ARRDC1: variants seen among roughly 807,000 people sequenced by gnomAD.
ARRDC1 encodes the protein arrestin domain-containing protein 1.
A neutral mutation model predicts 40.1 loss-of-function variants in ARRDC1; 37 were observed. That is an observed-to-expected ratio of 0.92 (90% CI 0.71 to 1.21). The LOEUF (loss-of-function observed/expected upper bound fraction) is 1.21, where lower values mean the gene tolerates loss of function less well. ARRDC1 is among the 50% of genes most tolerant of loss of function. The pLI, the probability that ARRDC1 is intolerant of heterozygous loss-of-function variation, is 0.00. For missense variants in ARRDC1, 641 were observed against 581.9 expected (o/e 1.10, Z -1.04); for synonymous variants, 310 against 262.5 (o/e 1.18, Z -1.75).
chr9:137,614,908 T>G lies in ARRDC1; in HGVS notation c.1145T>G (p.Val382Gly). The change falls in exon 7 of 8, where the codon GTC (valine) becomes GGC (glycine). Residue 382 changes from valine to glycine, a missense_variant. Transcript: ENST00000371421. ...PPLCISTGAT[V>G]PYFAEGSGGP... ...TTGTGCATTTCAACAGGTGCCACTGTCCCCTACTTTGCAGAGGGCTCCGGG... is the reference window on the plus strand; with the variant it reads ...TTGTGCATTTCAACAGGTGCCACTGGCCCCTACTTTGCAGAGGGCTCCGGG... 6.2e-7 allele frequency: 1 copy of G among 1,613,884 alleles called. No individual in the cohort carries two copies.
At chr9:137,613,877 A>C in intron 4 of ARRDC1, 108 bp downstream of exon 4, 1 of 1,532,124 alleles carries the variant, frequency 6.5e-7, no homozygotes, top group Non-Finnish European at 8.9e-7. Flanking sequence ...AGCTGAGGTG[A>C]GGGGGGCCAG....
In ARRDC1 at chr9:137,614,400, G is replaced by A; in HGVS notation, c.720G>A (p.Glu240=). 1 of 1,613,152 alleles carries A rather than the reference G, an allele frequency of 6.2e-7. No individual in the cohort carries two copies. The highest frequency in any genetic ancestry group is 8.5e-7 in the Non-Finnish European group (1 of 1,179,902). Residue 240 remains glutamate, a synonymous_variant, in exon 6 of 8, where the codon GAG becomes GAA. Transcript: ENST00000371421. ...CCTGGCGGCGGGCGCAGTGGCACGA[G>A]CAGATCCTGGTGCCTGCCTTGCCCC... ...VKAWRRAQWH[E]QILVPALPQS...
chr9:137,607,092 C>T lies in ARRDC1; in HGVS notation c.118+1257C>T, dbSNP rs570093343. 3.9e-5 allele frequency among the ~76,000 whole-genome samples: 6 copies of T among 152,370 alleles called. No homozygotes were observed. The East Asian group carries it at 1.2e-3, about 29-fold the overall frequency. On this transcript the variant is annotated intron_variant, in intron 1 of 7. Coordinates refer to ENST00000371421, the MANE Select transcript of ARRDC1 (RefSeq NM_152285.4). ...GCCGAGGGAGCACTGGCTGATGGTC[C>T]TACCTCACAGAGGCTGGTCTGAATG... is the stretch of plus-strand genomic sequence containing the variant.
chr9:137,612,832 C>T (rs927286925), intron 1 of ARRDC1, 64 bp from the exon 2 acceptor site: 15 of 1,334,514 alleles, frequency 1.1e-5, no homozygotes, highest in Non-Finnish European at 1.5e-5. Context: ...AATTCCTGTG[C>T]TGGCAGCAAG....
intron 1 of ARRDC1, among the ~76,000 whole-genome samples, chr9:137,611,209 A>G (rs13287726): frequency 6.6e-6 from 1 of 151,922 alleles, no homozygotes; most frequent in African/African-American, 2.4e-5. Flanking sequence ...TGAACACAGT[A>G]TGGGGTCTGG....
At chr9:137,608,368 C>T (rs540748500) in intron 1 of ARRDC1, among the ~76,000 whole-genome samples, 1 of 152,172 alleles carries the variant, frequency 6.6e-6, no homozygotes, top group Non-Finnish European at 1.5e-5. Context: ...GTCCAGAAGG[C>T]GGAAGAAGTC....
chr9:137,613,934 CA>C, intron 4 of ARRDC1, 97 bp from the exon 5 acceptor site: 1 of 1,552,032 alleles, frequency 6.4e-7, no homozygotes, highest in Non-Finnish European at 8.8e-7. Context: ...TGCTGATGTC[CA>C]GGGGCAGGGC....
intron 2 of ARRDC1, 76 bp downstream of exon 2, chr9:137,613,082 C>A: frequency 8.9e-7 from 1 of 1,121,544 alleles, no homozygotes; most frequent in South Asian, 1.3e-5. Context: ...GTCCTGTCCT[C>A]CCCCTTTCCT....
chr9:137,606,137 C>T (rs965023115), intron 1 of ARRDC1, among the ~76,000 whole-genome samples: 2 of 151,818 alleles, frequency 1.3e-5, no homozygotes, highest in Non-Finnish European at 2.9e-5. Flanking sequence ...CCCGTCCGCG[C>T]TCGCACCTGC....
chr9:137,610,853 G>A (rs1254264316), intron 1 of ARRDC1, among the ~76,000 whole-genome samples: 5 of 152,064 alleles, frequency 3.3e-5, no homozygotes, highest in Non-Finnish European at 5.9e-5. Context: ...ATGAGCCACC[G>A]TGCCCGGCCT....
intron 1 of ARRDC1, among the ~76,000 whole-genome samples, chr9:137,609,956 G>A (rs1356625719): frequency 6.6e-6 from 1 of 152,178 alleles, no homozygotes; most frequent in Non-Finnish European, 1.5e-5. Context: ...TGGGACTACA[G>A]GCGCCCGCCA....
intron 1 of ARRDC1, among the ~76,000 whole-genome samples, chr9:137,610,684 C>T (rs1449581851): frequency 6.6e-6 from 1 of 152,220 alleles, no homozygotes; most frequent in African/African-American, 2.4e-5. Flanking sequence ...CTGCCTCAGC[C>T]TCCCTGGTAG....
At chr9:137,609,541 A>G (rs1272705011) in intron 1 of ARRDC1, among the ~76,000 whole-genome samples, 1 of 147,412 alleles carries the variant, frequency 6.8e-6, no homozygotes, top group African/African-American at 2.5e-5. Flanking sequence ...GCCCCAAGAC[A>G]TTGATTTTAT....
At position 137,614,984 on chromosome 9, in the gene ARRDC1, T is replaced by C; in HGVS notation, c.1221T>C (p.Ser407=). The part of the protein sequence containing the change: ...STLILPPEYS[S]WGYPYEAPPS... ...TGATTCTTCCTCCAGAGTACAGTTC[T>C]TGGGGCTACCCCTATGGTGAGTCGA... The change falls in exon 7 of 8, where the codon TCT becomes TCC. Residue 407 remains serine (S), a synonymous_variant. Coordinates refer to ENST00000371421, the MANE Select transcript of ARRDC1 (RefSeq NM_152285.4). 1 of 1,613,606 alleles carries C rather than the reference T, an allele frequency of 6.2e-7. No homozygotes were observed. The highest frequency in any genetic ancestry group is 8.5e-7 in the Non-Finnish European group (1 of 1,179,866).
chr9:137,605,930 C>G (rs926388598), intron 1 of ARRDC1, 95 bp downstream of exon 1: 6 of 747,226 alleles, frequency 8.0e-6, no homozygotes, highest in Non-Finnish European at 9.0e-6. Flanking sequence ...GGGTTGGGCC[C>G]GCGGAGTCGC....
rs529418791 is a variant in ARRDC1 at position 137,613,002 on chromosome 9, C to A, written c.225C>A (p.Asp75Glu). 88 of 1,613,008 alleles carry A rather than the reference C, an allele frequency of 5.5e-5. No individual in the cohort carries two copies. The South Asian group carries it at 8.5e-4, about 16-fold the overall frequency. The change falls in exon 2 of 8, where the codon GAC (aspartate) becomes GAA (glutamate). Residue 75 changes from aspartate (D) to glutamate (E), a missense_variant. Transcript: ENST00000371421. ...TCAACAGTTCCCTGTCGCTGGCAGA[C>A]AAGGGTAAGTTTGGGAGCCAGTTCC... ...GYFNSSLSLADKGSLPAGEHS... is the reference protein window; with the variant it reads ...GYFNSSLSLAEKGSLPAGEHS...
rs542684176 is a variant in ARRDC1 at position 137,609,513 on chromosome 9, C to T, written c.119-3383C>T. Among the ~76,000 whole-genome samples the T allele has an allele frequency of 4.6e-5, 7 of 152,142 alleles. No individual in the cohort carries two copies. The South Asian group carries it at 1.5e-3, about 32-fold the overall frequency. On this transcript the variant is annotated intron_variant, in intron 1 of 7. Transcript: ENST00000371421. Reference sequence around the variant, plus strand: ...CCTCTTAAAGTGCTGGGATTACAGGCGTGAGCCACTGTGCCTGGCCCCAAG... The same window carrying T: ...CCTCTTAAAGTGCTGGGATTACAGGTGTGAGCCACTGTGCCTGGCCCCAAG...
At chr9:137,613,918 G>C (rs935705232) in intron 4 of ARRDC1, 114 bp from the exon 5 acceptor site, 141 of 1,538,284 alleles carry the variant, frequency 9.2e-5, no homozygotes, top group Non-Finnish European at 1.2e-4. Flanking sequence ...TTTGCCCTGA[G>C]CTGACTGCTG....
chr9:137,614,212 C>T lies in ARRDC1; in HGVS notation c.616C>T (p.Gln206Ter). The T allele has an allele frequency of 3.8e-6, 6 of 1,589,332 alleles. No homozygotes were observed. Among genetic ancestry groups the T allele is most frequent in the Non-Finnish European group, 5.2e-6 (6 of 1,163,980 alleles). Residue 206 changes from glutamine (Q) to a stop codon, truncating the protein, a stop_gained and splice_region_variant, in exon 5 of 8, where the codon CAG becomes TAG. Transcript: ENST00000371421. LOFTEE classifies it high-confidence loss of function. The part of the protein sequence containing the change: ...DTSPVVASLL[Q>*]KVSYKAKRWI... ...CAGCCCTGTGGTGGCCAGTCTGCTGCAGGTCAGAGCCCCCGCCAGTTGCCT... is the reference window on the plus strand; with the variant it reads ...CAGCCCTGTGGTGGCCAGTCTGCTGTAGGTCAGAGCCCCCGCCAGTTGCCT...
Sources: gnomAD v4.1 joint callset for allele counts (sites outside exome capture counted in the v4.1 genomes callset) on GRCh38, gnomAD v4.1.1 for gene constraint, MANE v1.5 for transcripts, NCBI Gene and HGNC (gene_info 2026-07-23, HGNC 2026-07-21) for gene names.